Variants in AFAP1L1 observed in about 807,000 individuals in gnomAD.
The protein encoded by AFAP1L1 is actin filament associated protein 1 like 1.
AFAP1L1 carries 77 observed loss-of-function variants against 99.8 expected under a neutral mutation model. The ratio of observed to expected loss-of-function variants is 0.77; its 90% CI spans 0.64 to 0.93. The LOEUF is 0.93. Ranked by LOEUF, AFAP1L1 falls within the 40% of genes least tolerant of loss-of-function variation. The probability of loss-of-function intolerance (pLI) is 0.00; values close to 1 mark genes in which losing one functional copy is unlikely to be tolerated. For synonymous variants in AFAP1L1, 373 were observed against 395.3 expected, an observed-to-expected ratio of 0.94 and a Z score of 0.67; for missense variants, 893 against 996.8, an observed-to-expected ratio of 0.90 and a Z score of 1.40.
Position 149,335,685 on chromosome 5 carries a change from T to C in AFAP1L1, c.2246T>C (p.Val749Ala). The C allele has an allele frequency of 6.2e-7, 1 of 1,613,968 alleles. No individual in the cohort carries two copies. The highest frequency in any genetic ancestry group is 2.2e-5 in the East Asian group (1 of 44,878). ...CTGAGGAAGAGGAGCCCATCCATCG[T>C]AGCCTCCAACCAAGGAAGGGTGCTA... The part of the protein sequence containing the change: ...SELRKRSPSI[V>A]ASNQGRVLQK... Residue 749 changes from valine to alanine, a missense_variant, in exon 18 of 19, where the codon GTA becomes GCA. Transcript: ENST00000296721.
chr5:149,327,420 T>C (rs1030368583), intron 15 of AFAP1L1, among the ~76,000 whole-genome samples: 12 of 152,128 alleles, frequency 7.9e-5, no homozygotes, highest in African/African-American at 2.9e-4. Flanking sequence ...TAGACTATAC[T>C]GAGTACTACA....
intron 1 of AFAP1L1, among the ~76,000 whole-genome samples, chr5:149,280,074 A>G (rs1755467760): frequency 6.6e-6 from 1 of 152,216 alleles, no homozygotes; most frequent in Non-Finnish European, 1.5e-5. Context: ...GATGATGAAT[A>G]AATGAAAGTG....
intron 15 of AFAP1L1, among the ~76,000 whole-genome samples, chr5:149,323,933 C>CA (rs1256817039): frequency 6.6e-5 from 10 of 152,186 alleles, no homozygotes; most frequent in Admixed American, 2.6e-4. Context: ...CAAACACACA[C>CA]AAAAAAGCAG....
rs201438791 is a variant in AFAP1L1, at chr5:149,302,452, C to T, written c.362C>T (p.Pro121Leu). Reference sequence around the variant, plus strand: ...CTGCCTCCACCGCTCCCCAACAAGCCTCCCCCTGAGGACTACTATGAAGAG... The same window carrying T: ...CTGCCTCCACCGCTCCCCAACAAGCTTCCCCCTGAGGACTACTATGAAGAG... Reference protein sequence around the residue: ...ADLPPPLPNKPPPEDYYEEAL... With the variant: ...ADLPPPLPNKLPPEDYYEEAL... The change falls in exon 5 of 19, where the codon CCT becomes CTT. Residue 121 changes from proline to leucine, a missense_variant. By Grantham distance (98) the Pro-to-Leu change is moderately conservative. Coordinates refer to ENST00000296721, the MANE Select transcript of AFAP1L1 (RefSeq NM_152406.4). 1.8e-5 allele frequency: 29 copies of T among 1,595,990 alleles called. No individual in the cohort carries two copies. In the East Asian group the frequency reaches 3.6e-4, roughly 20 times the overall value.
chr5:149,325,914 C>CAA (rs1344184280), intron 15 of AFAP1L1, among the ~76,000 whole-genome samples: 1 of 152,194 alleles, frequency 6.6e-6, no homozygotes, highest in Non-Finnish European at 1.5e-5. Flanking sequence ...AATCACCTCT[C>CAA]AAAGTCCCAT....
chr5:149,274,028 TC>T (rs988753614), intron 1 of AFAP1L1, among the ~76,000 whole-genome samples: 11 of 152,218 alleles, frequency 7.2e-5, no homozygotes, highest in Admixed American at 4.6e-4. Context: ...TTCCCAGGAA[TC>T]CCTTGGTGCT....
At chr5:149,296,698 T>C (rs1317396261) in intron 1 of AFAP1L1, among the ~76,000 whole-genome samples, 2 of 152,242 alleles carry the variant, frequency 1.3e-5, no homozygotes, top group Non-Finnish European at 2.9e-5. Context: ...TCAGTAAATG[T>C]TTTGGAATTG....
At chr5:149,294,191 A>G (rs1005787425) in intron 1 of AFAP1L1, among the ~76,000 whole-genome samples, 1 of 152,192 alleles carries the variant, frequency 6.6e-6, no homozygotes, top group Non-Finnish European at 1.5e-5. Flanking sequence ...GAGTACTTGT[A>G]AAAATGCAAG....
In AFAP1L1 at chr5:149,342,742, T is replaced by C. The variant is rs1271032087; in HGVS notation, c.*2712T>C. Among the ~76,000 whole-genome samples, 1 of 152,022 alleles carries C rather than the reference T, an allele frequency of 6.6e-6. No individual in the cohort carries two copies. Among genetic ancestry groups the C allele is most frequent in the Non-Finnish European group, 1.5e-5 (1 of 68,006 alleles). The stretch of plus-strand genomic sequence containing the variant: ...GCCTGGCCAACATGGCAAAACCCCA[T>C]CTCTATCAAAAATACAAAAGTTAGC... On this transcript the variant is annotated 3_prime_UTR_variant, in exon 19 of 19. Coordinates refer to ENST00000296721, the MANE Select transcript of AFAP1L1 (RefSeq NM_152406.4).
intron 7 of AFAP1L1, among the ~76,000 whole-genome samples, chr5:149,307,818 T>TCTCTCTCTCTCTCTC (rs1756473058): frequency 1.9e-3 from 194 of 100,546 alleles, no homozygotes; most frequent in South Asian, 2.9e-3. Flanking sequence ...GTGCCTCTCT[T>TCTCTCTCTCTCTCTC]TCTCTCTCTC....
chr5:149,294,356 C>T (rs915611727), intron 1 of AFAP1L1, among the ~76,000 whole-genome samples: 12 of 152,146 alleles, frequency 7.9e-5, no homozygotes, highest in African/African-American at 2.2e-4. Context: ...TATACCCATA[C>T]GACCTCTCCA....
At chr5:149,291,253 A>G (rs1755843521) in intron 1 of AFAP1L1, among the ~76,000 whole-genome samples, 1 of 152,072 alleles carries the variant, frequency 6.6e-6, no homozygotes, top group Non-Finnish European at 1.5e-5. Flanking sequence ...GGAAAAGCCT[A>G]CAGGGTGCCT....
At chr5:149,282,056 G>A (rs1755534974) in intron 1 of AFAP1L1, among the ~76,000 whole-genome samples, 2 of 152,180 alleles carry the variant, frequency 1.3e-5, no homozygotes, top group Admixed American at 1.3e-4. Flanking sequence ...CCCGGCCGGG[G>A]TCTATCCTCC....
At chr5:149,279,520 A>G (rs1456945620) in intron 1 of AFAP1L1, among the ~76,000 whole-genome samples, 1 of 151,406 alleles carries the variant, frequency 6.6e-6, no homozygotes, top group African/African-American at 2.5e-5. Flanking sequence ...TATAGCTTTT[A>G]ATAGGACTTA....
intron 15 of AFAP1L1, among the ~76,000 whole-genome samples, chr5:149,328,915 G>A (rs1267412867): frequency 1.3e-5 from 2 of 152,100 alleles, no homozygotes; most frequent in East Asian, 1.9e-4. Flanking sequence ...AATAATTTTT[G>A]CCATAATTAT....
intron 9 of AFAP1L1, 193 bp downstream of exon 9, chr5:149,312,397 G>T (rs1432377384): frequency 6.1e-6 from 4 of 655,936 alleles, no homozygotes; most frequent in Non-Finnish European, 8.3e-6. Context: ...ACAAACGAGT[G>T]CTTATGCCCA....
Position 149,313,348 on chromosome 5 carries a change from C to T in AFAP1L1, c.1020+1144C>T, listed in dbSNP as rs544816635. Among the ~76,000 whole-genome samples, 75 of 152,284 alleles carry T rather than the reference C, an allele frequency of 4.9e-4. No individual in the cohort carries two copies. The South Asian group carries it at 0.015, about 31-fold the overall frequency. On this transcript the variant is annotated intron_variant, in intron 9 of 18. Transcript: ENST00000296721. ...TGGGCCTTGCACGATGTAATCGAGG[C>T]TAGTATTTATAGACTGTGACTGCAT... is the stretch of plus-strand genomic sequence containing the variant.
chr5:149,297,234 C>G (rs573777982), intron 1 of AFAP1L1, among the ~76,000 whole-genome samples: 26 of 152,286 alleles, frequency 1.7e-4, no homozygotes, highest in African/African-American at 3.4e-4. Context: ...CATCCAGAAC[C>G]TGTGTTTATT....
At chr5:149,303,850 A>AT (rs1756310729) in intron 5 of AFAP1L1, among the ~76,000 whole-genome samples, 2 of 152,124 alleles carry the variant, frequency 1.3e-5, no homozygotes, top group African/African-American at 4.8e-5. Flanking sequence ...CCATGGGTGA[A>AT]TTTTTTTACT....
Sources: gnomAD v4.1 joint callset for allele counts (sites outside exome capture counted in the v4.1 genomes callset) on GRCh38, gnomAD v4.1.1 for gene constraint, MANE v1.5 for transcripts, NCBI Gene and HGNC (gene_info 2026-07-23, HGNC 2026-07-21) for gene names.